Variants in DYNC2LI1 observed in about 807,000 individuals in gnomAD.
The protein encoded by DYNC2LI1 is cytoplasmic dynein 2 light intermediate chain 1.
DYNC2LI1 carries 45 observed loss-of-function variants against 51.9 expected under a neutral mutation model. The ratio of observed to expected loss-of-function variants is 0.87; its 90% CI spans 0.68 to 1.11. DYNC2LI1 has a LOEUF of 1.11. DYNC2LI1 is among the 50% of genes most tolerant of loss of function. The pLI, the probability that DYNC2LI1 is intolerant of heterozygous loss-of-function variation, is 0.00. For missense variants in DYNC2LI1, 490 were observed against 417.4 expected (o/e 1.17, Z -1.51); for synonymous variants, 130 against 137.8 (o/e 0.94, Z 0.40).
At chr2:43,803,140 C>T (rs1225686206) in intron 10 of DYNC2LI1, among the ~76,000 whole-genome samples, 4 of 152,100 alleles carry the variant, frequency 2.6e-5, no homozygotes, top group African/African-American at 7.2e-5. Flanking sequence ...CATGCAACTA[C>T]CATATGACCT....
intron 7 of DYNC2LI1, 50 bp from the exon 8 acceptor site, chr2:43,796,668 G>A (rs754400980): frequency 3.1e-6 from 4 of 1,309,150 alleles, no homozygotes; most frequent in Non-Finnish European, 4.4e-6. Flanking sequence ...GAATCTTCCT[G>A]CTATAGATAT....
the DYNC2LI1 span, chr2:43,824,529 C>G: frequency 6.3e-7 from 1 of 1,593,384 alleles, no homozygotes; most frequent in Non-Finnish European, 8.5e-7. Context: ...CATAATACCT[C>G]ATCCCATCAA....
At chr2:43,823,998 C>G in the DYNC2LI1 span, 1 of 1,614,196 alleles carries the variant, frequency 6.2e-7, no homozygotes, top group Non-Finnish European at 8.5e-7. Flanking sequence ...GGATAGCACC[C>G]TTTAGCACAT....
chr2:43,795,848 A>G, intron 6 of DYNC2LI1, 42 bp from the exon 7 acceptor site: 1 of 1,503,534 alleles, frequency 6.7e-7, no homozygotes, highest in African/African-American at 1.4e-5. Context: ...GCACCTAGCA[A>G]TAAAGAATTA....
At chr2:43,781,121 CT>C (rs1286195452) in intron 2 of DYNC2LI1, among the ~76,000 whole-genome samples, 1 of 152,066 alleles carries the variant, frequency 6.6e-6, no homozygotes, top group African/African-American at 2.4e-5. Flanking sequence ...AATCCCAGCA[CT>C]TTGGAAGGCT....
the DYNC2LI1 span, chr2:43,827,995 G>T: frequency 9.3e-6 from 15 of 1,614,086 alleles, no homozygotes; most frequent in Non-Finnish European, 1.3e-5. Context: ...GGATCCTGGA[G>T]CAGCTGGGCT....
Position 43,789,617 on chromosome 2 carries a change from A to C in DYNC2LI1, c.232-16A>C, listed in dbSNP as rs745454160. 1.9e-6 allele frequency: 3 copies of C among 1,611,322 alleles called. No individual in the cohort carries two copies. The highest frequency in any genetic ancestry group is 2.5e-6 in the Non-Finnish European group (3 of 1,178,892). On this transcript the variant is annotated splice_polypyrimidine_tract_variant and intron_variant, in intron 4 of 12. Coordinates refer to ENST00000260605, the MANE Select transcript of DYNC2LI1 (RefSeq NM_016008.4). Reference sequence around the variant, plus strand: ...AGTACTTAAACTTCAAAAAATCAAAAATTTTTGTTTTTCAGCCAAAAGATA... The same window carrying C: ...AGTACTTAAACTTCAAAAAATCAAACATTTTTGTTTTTCAGCCAAAAGATA...
the DYNC2LI1 span, chr2:43,824,699 A>T: frequency 5.3e-6 from 5 of 945,522 alleles, 1 homozygote; most frequent in Middle Eastern, 2.2e-3. Flanking sequence ...TTTGAGAGAG[A>T]TCCCTGACCT....
At chr2:43,815,357 C>CT in the DYNC2LI1 span, among the ~76,000 whole-genome samples, 1 of 152,094 alleles carries the variant, frequency 6.6e-6, no homozygotes, top group African/African-American at 2.4e-5. Context: ...AAGATGTATC[C>CT]TATCCCTAAA....
At chr2:43,787,568 C>T (rs1004681625) in intron 4 of DYNC2LI1, among the ~76,000 whole-genome samples, 4 of 152,040 alleles carry the variant, frequency 2.6e-5, no homozygotes. Flanking sequence ...ATAGGTTTGA[C>T]CTGTGGAATA....
intron 12 of DYNC2LI1, among the ~76,000 whole-genome samples, chr2:43,807,551 C>T (rs577445468): frequency 6.6e-6 from 1 of 151,740 alleles, no homozygotes; most frequent in Non-Finnish European, 1.5e-5. Flanking sequence ...GGGATCCTCC[C>T]ATCTCAGCCT....
chr2:43,795,996 A>T (rs370629104), intron 7 of DYNC2LI1, 38 bp downstream of exon 7: 1 of 1,444,382 alleles, frequency 6.9e-7, no homozygotes, highest in Non-Finnish European at 9.6e-7. Flanking sequence ...TGTTGTACAT[A>T]TATGGCTGTG....
the DYNC2LI1 span, chr2:43,824,032 A>G: frequency 9.9e-6 from 16 of 1,614,118 alleles, no homozygotes; most frequent in Admixed American, 2.7e-4. Context: ...CAGAACGAAG[A>G]AAAGGAGGAA....
At chr2:43,811,715 C>T (rs923122600), downstream of DYNC2LI1, among the ~76,000 whole-genome samples, 1 of 152,110 alleles carries the variant, frequency 6.6e-6, no homozygotes, top group East Asian at 1.9e-4. Flanking sequence ...CTGCCTCAGC[C>T]TCCCAAGTAG....
rs141353179 is a variant in DYNC2LI1, at chr2:43,791,467, G to A, written c.320+1746G>A. 6.7e-3 allele frequency among the ~76,000 whole-genome samples: 1,013 copies of A among 152,272 alleles called. 12 individuals are homozygous for A. The highest frequency in any genetic ancestry group is 0.012 in the Admixed American group (179 of 15,294). On this transcript the variant is annotated intron_variant, in intron 5 of 12. Transcript: ENST00000260605. ...CAAGGGTTAATACCTCATTTGTGAG[G>A]TCTTGGGCTTCCTTTCCCTGGAGCC...
At chr2:43,819,970 T>G in the DYNC2LI1 span, 1 of 1,614,078 alleles carries the variant, frequency 6.2e-7, no homozygotes, top group Admixed American at 1.7e-5. Flanking sequence ...GCCACTACAC[T>G]GTTGACTATA....
intron 4 of DYNC2LI1, among the ~76,000 whole-genome samples, chr2:43,788,371 A>G (rs979776068): frequency 6.6e-6 from 1 of 152,228 alleles, no homozygotes; most frequent in Non-Finnish European, 1.5e-5. Context: ...GGCTCATGGG[A>G]GCAGATACGT....
intron 6 of DYNC2LI1, 39 bp downstream of exon 6, chr2:43,794,682 C>G: frequency 6.2e-7 from 1 of 1,613,804 alleles, no homozygotes; most frequent in Non-Finnish European, 8.5e-7. Context: ...AATCCTTAGT[C>G]CCATTTATAG....
the DYNC2LI1 span, among the ~76,000 whole-genome samples, chr2:43,823,109 C>T: frequency 7.9e-6 from 1 of 126,604 alleles, no homozygotes; most frequent in Admixed American, 7.6e-5. Flanking sequence ...AATCCCCACC[C>T]CGGAAATCTA....
Sources: gnomAD v4.1 joint callset for allele counts (sites outside exome capture counted in the v4.1 genomes callset) on GRCh38, gnomAD v4.1.1 for gene constraint, MANE v1.5 for transcripts, NCBI Gene and HGNC (gene_info 2026-07-23, HGNC 2026-07-21) for gene names.